PRKG1: variants seen among roughly 807,000 people sequenced by gnomAD.
The protein encoded by PRKG1 is protein kinase cGMP-dependent 1.
Under a neutral mutation model 88.1 loss-of-function variants are expected in PRKG1, and 35 were observed. That is an observed-to-expected ratio of 0.40 (90% CI 0.30 to 0.53). The LOEUF is 0.53. Among genes scored for constraint, PRKG1 ranks in the 20% least tolerant of loss-of-function variants. PRKG1 has a pLI of 0.59. For synonymous variants in PRKG1, 303 were observed against 292.5 expected, an observed-to-expected ratio of 1.04 and a Z score of -0.37; for missense variants, 540 against 839.8, an observed-to-expected ratio of 0.64 and a Z score of 4.41.
intron 4 of PRKG1, among the ~76,000 whole-genome samples, chr10:51,847,146 G>A (rs928723699): frequency 6.6e-6 from 1 of 151,900 alleles, no homozygotes; most frequent in African/African-American, 2.4e-5. Context: ...ATGAAGGCAG[G>A]TGCTGATGAT....
At chr10:51,557,465 G>A (rs370096948) in intron 3 of PRKG1, among the ~76,000 whole-genome samples, 2 of 151,864 alleles carry the variant, frequency 1.3e-5, no homozygotes, top group East Asian at 1.9e-4. Flanking sequence ...CCATTCCAGA[G>A]TAGGAGAAAA....
intron 3 of PRKG1, among the ~76,000 whole-genome samples, chr10:51,639,566 C>A (rs1839747643): frequency 6.7e-6 from 1 of 148,556 alleles, no homozygotes; most frequent in Non-Finnish European, 1.5e-5. Flanking sequence ...TTCCTGGAAG[C>A]CAAATTTTAA....
At chr10:51,995,623 T>G (rs556403226) in intron 5 of PRKG1, among the ~76,000 whole-genome samples, 28 of 152,228 alleles carry the variant, frequency 1.8e-4, no homozygotes, top group Non-Finnish European at 3.4e-4. Context: ...ACACATTACC[T>G]ACATAAAGGA....
At chr10:52,247,609 G>C (rs1434307915) in intron 9 of PRKG1, among the ~76,000 whole-genome samples, 1 of 152,096 alleles carries the variant, frequency 6.6e-6, no homozygotes, top group African/African-American at 2.4e-5. Context: ...GAATGAAAAT[G>C]TCCCTCCCAG....
At chr10:51,557,693 C>G (rs1014214900) in intron 3 of PRKG1, among the ~76,000 whole-genome samples, 1 of 151,976 alleles carries the variant, frequency 6.6e-6, no homozygotes, top group Non-Finnish European at 1.5e-5. Flanking sequence ...GCACAGTAAA[C>G]TTTAGTTTTC....
intron 2 of PRKG1, among the ~76,000 whole-genome samples, chr10:51,300,257 G>A (rs1348544417): frequency 6.6e-6 from 1 of 152,168 alleles, no homozygotes; most frequent in Non-Finnish European, 1.5e-5. Context: ...CAGAGCAGCT[G>A]CTCTCCATGC....
At chr10:51,170,615 T>C (rs912361672) in intron 2 of PRKG1, among the ~76,000 whole-genome samples, 5 of 151,768 alleles carry the variant, frequency 3.3e-5, no homozygotes, top group Admixed American at 3.3e-4. Flanking sequence ...ATGAATGAGG[T>C]GACAATAGAT....
intron 9 of PRKG1, among the ~76,000 whole-genome samples, chr10:52,170,655 T>C (rs1258626698): frequency 1.3e-5 from 2 of 152,198 alleles, no homozygotes; most frequent in Non-Finnish European, 2.9e-5. Flanking sequence ...ATATTTTACT[T>C]CTATTTCCGT....
At chr10:52,032,191 T>G (rs776115178) in intron 5 of PRKG1, among the ~76,000 whole-genome samples, 3 of 152,226 alleles carry the variant, frequency 2.0e-5, no homozygotes, top group Non-Finnish European at 4.4e-5. Flanking sequence ...TCTGTTTGTG[T>G]CTGCGTAGTT....
chr10:51,298,333 G>T (rs868535289), intron 2 of PRKG1, among the ~76,000 whole-genome samples: 2 of 152,138 alleles, frequency 1.3e-5, no homozygotes, highest in Admixed American at 6.5e-5. Flanking sequence ...TTATGACTAA[G>T]CTTGTGATCT....
rs564171739 is a variant in PRKG1, at chr10:51,269,924, A to G, written c.478+116594A>G. ...AAATGAATAATTTATTGTTAGATAC[A>G]ACATTTTAATGCAGTTTGGATCAGG... is the stretch of plus-strand genomic sequence containing the variant. On this transcript the variant is annotated intron_variant, in intron 2 of 17. Coordinates refer to ENST00000373980, the MANE Select transcript of PRKG1 (RefSeq NM_006258.4). Among the ~76,000 whole-genome samples the G allele has an allele frequency of 9.3e-4, 141 of 152,354 alleles. 5 individuals are homozygous for G. The highest frequency in any genetic ancestry group is 5.9e-4 in the Non-Finnish European group (40 of 68,028).
At chr10:51,276,650 T>C (rs573968321) in intron 2 of PRKG1, among the ~76,000 whole-genome samples, 11 of 152,216 alleles carry the variant, frequency 7.2e-5, no homozygotes, top group Admixed American at 3.3e-4. Context: ...TTTTAATGAT[T>C]GCCATTCTAA....
At chr10:52,274,082 A>G (rs1485840130) in intron 12 of PRKG1, among the ~76,000 whole-genome samples, 1 of 152,092 alleles carries the variant, frequency 6.6e-6, no homozygotes, top group Non-Finnish European at 1.5e-5. Context: ...GAAAGCAATA[A>G]TAAGCCACAA....
intron 3 of PRKG1, among the ~76,000 whole-genome samples, chr10:51,691,878 A>G (rs149511772): frequency 3.3e-4 from 51 of 152,296 alleles, no homozygotes; most frequent in Middle Eastern, 6.8e-3. Context: ...TTCTTGTCCA[A>G]AGATATTTAA....
rs1197814131 is a variant in PRKG1, at chr10:51,053,063, C to T, written c.266+61419C>T. Among the ~76,000 whole-genome samples the T allele has an allele frequency of 2.6e-5, 4 of 152,124 alleles. No individual in the cohort carries two copies. The East Asian group carries it at 7.7e-4, about 29-fold the overall frequency. Reference sequence around the variant, plus strand: ...TGGCCAACATAGTGAAACCCCGTCTCTACTAAAAATACAAAAAACAACCAG... The same window carrying T: ...TGGCCAACATAGTGAAACCCCGTCTTTACTAAAAATACAAAAAACAACCAG... On this transcript the variant is annotated intron_variant, in intron 1 of 17. Transcript: ENST00000401604.
chr10:51,399,316 T>A (rs293233), intron 2 of PRKG1, among the ~76,000 whole-genome samples: 3 of 151,992 alleles, frequency 2.0e-5, no homozygotes, highest in East Asian at 1.9e-4. Flanking sequence ...ATTGGAGAAA[T>A]CTTATTGGTT....
intron 3 of PRKG1, among the ~76,000 whole-genome samples, chr10:51,621,375 C>A (rs1434211527): frequency 2.6e-5 from 4 of 151,946 alleles, no homozygotes; most frequent in African/African-American, 9.7e-5. Context: ...GTGAGCATCA[C>A]CTCATATAAC....
intron 2 of PRKG1, among the ~76,000 whole-genome samples, chr10:51,454,702 C>T (rs1196397887): frequency 2.0e-5 from 3 of 152,140 alleles, no homozygotes; most frequent in East Asian, 3.9e-4. Flanking sequence ...AGGGAAAACC[C>T]TTTATCTAAC....
intron 3 of PRKG1, among the ~76,000 whole-genome samples, chr10:51,517,862 C>T (rs1841629919): frequency 6.6e-6 from 1 of 152,310 alleles, no homozygotes; most frequent in South Asian, 2.1e-4. Context: ...AGGGATTGAG[C>T]TGACTCAGGC....
Sources: gnomAD v4.1 joint callset for allele counts (sites outside exome capture counted in the v4.1 genomes callset) on GRCh38, gnomAD v4.1.1 for gene constraint, MANE v1.5 for transcripts, NCBI Gene and HGNC (gene_info 2026-07-23, HGNC 2026-07-21) for gene names.